ADAMTS16: variants seen among roughly 807,000 people sequenced by gnomAD.
The protein encoded by ADAMTS16 is A disintegrin and metalloproteinase with thrombospondin motifs 16.
Under a neutral mutation model 145.8 loss-of-function variants are expected in ADAMTS16, and 94 were observed. The ratio of observed to expected loss-of-function variants is 0.64; its 90% CI spans 0.55 to 0.77. The LOEUF (loss-of-function observed/expected upper bound fraction) is 0.77, where lower values mean the gene tolerates loss of function less well. Ranked by LOEUF, ADAMTS16 falls within the 30% of genes least tolerant of loss-of-function variation. The pLI is 0.00. For synonymous variants in ADAMTS16, 659 were observed against 604.3 expected, an observed-to-expected ratio of 1.09 and a Z score of -1.33; for missense variants, 1,585 against 1,591.5, an observed-to-expected ratio of 1.00 and a Z score of 0.07.
At chr5:5,244,158 T>C (rs2964429) in intron 17 of ADAMTS16, among the ~76,000 whole-genome samples, 132,106 of 152,212 alleles carry the variant, frequency 0.87, 57,675 homozygotes, top group African/African-American at 0.96. Context: ...AATCAAGGCA[T>C]GCTGTCACTG....
Position 5,239,712 on chromosome 5 carries a change from A to T in ADAMTS16, c.2310A>T (p.Gly770=). 1 of 1,614,114 alleles carries T rather than the reference A, an allele frequency of 6.2e-7. No homozygotes were observed. The highest frequency in any genetic ancestry group is 8.5e-7 in the Non-Finnish European group (1 of 1,180,026). The change falls in exon 16 of 23, where the codon GGA becomes GGT. Residue 770 remains glycine, a synonymous_variant. Coordinates refer to ENST00000274181, the MANE Select transcript of ADAMTS16 (RefSeq NM_139056.4). The part of the protein sequence containing the change: ...QYYHMVTIPS[G]ARSIRIYEMN... ...ATCACATGGTCACCATTCCTTCTGG[A>T]GCCCGGAGTATCCGCATCTATGAAA...
chr5:5,175,133 C>T (rs1168964057), intron 3 of ADAMTS16, among the ~76,000 whole-genome samples: 1 of 152,228 alleles, frequency 6.6e-6, no homozygotes, highest in African/African-American at 2.4e-5. Context: ...GCTAGCACAT[C>T]TCTGACTCTC....
At chr5:5,278,563 T>C (rs1389749042) in intron 18 of ADAMTS16, among the ~76,000 whole-genome samples, 1 of 152,240 alleles carries the variant, frequency 6.6e-6, no homozygotes, top group African/African-American at 2.4e-5. Context: ...TGCCTGACTT[T>C]TGTTTGCTTA....
chr5:5,165,318 A>G (rs1401557411), intron 3 of ADAMTS16, among the ~76,000 whole-genome samples: 1 of 152,100 alleles, frequency 6.6e-6, no homozygotes, highest in Non-Finnish European at 1.5e-5. Context: ...ATCGTATCCC[A>G]CTGTGTTTAT....
intron 22 of ADAMTS16, 133 bp downstream of exon 22, chr5:5,318,414 G>A: frequency 1.0e-6 from 1 of 965,570 alleles, no homozygotes; most frequent in South Asian, 4.1e-5. Flanking sequence ...ATCTTCTCCA[G>A]TTTTACAATG....
chr5:5,187,040 A>G (rs1735521351), intron 5 of ADAMTS16, among the ~76,000 whole-genome samples: 1 of 152,202 alleles, frequency 6.6e-6, no homozygotes, highest in Non-Finnish European at 1.5e-5. Flanking sequence ...CTGAGGAGGC[A>G]GTGAAATAGA....
At chr5:5,278,893 GA>G (rs1471521568) in intron 18 of ADAMTS16, among the ~76,000 whole-genome samples, 4 of 151,834 alleles carry the variant, frequency 2.6e-5, no homozygotes, top group East Asian at 3.9e-4. Context: ...AAAAAAGGGG[GA>G]AAAAACCAAT....
At position 5,262,675 on chromosome 5, in the gene ADAMTS16, A is replaced by G. The variant is rs555718727; in HGVS notation, c.2681A>G (p.Glu894Gly). ...SCGGGQMTVR[E>G]GCYRDLKFQV... ...CCTGCAGGACAGATGACCGTGAGAGAGGGCTGCTACAGAGACCTGAAGTTT... is the reference window on the plus strand; with the variant it reads ...CCTGCAGGACAGATGACCGTGAGAGGGGGCTGCTACAGAGACCTGAAGTTT... Residue 894 changes from glutamate to glycine, a missense_variant, in exon 18 of 23, where the codon GAG becomes GGG. Physicochemically the swap from Glu to Gly is moderately conservative, Grantham distance 98 (BLOSUM62 -2). This residue lies in a region of ADAMTS16 where 834 missense variants were observed against 811.7 expected (regional missense o/e 1.03). Transcript: ENST00000274181. 1.1e-5 allele frequency: 18 copies of G among 1,614,032 alleles called. No individual in the cohort carries two copies. The highest frequency in any genetic ancestry group is 1.4e-5 in the Non-Finnish European group (17 of 1,179,974).
At chr5:5,242,316 A>G (rs962377488) in intron 17 of ADAMTS16, 125 bp downstream of exon 17, 1 of 1,333,380 alleles carries the variant, frequency 7.5e-7, no homozygotes, top group South Asian at 1.5e-5. Context: ...TAGCAGTGAC[A>G]TTCCCAAGGT....
chr5:5,187,857 A>C (rs761818824), intron 6 of ADAMTS16, 49 bp downstream of exon 6: 4 of 1,218,442 alleles, frequency 3.3e-6, no homozygotes, highest in Non-Finnish European at 4.8e-6. Flanking sequence ...AGAAAAATAA[A>C]TGCAAAATAA....
At chr5:5,240,890 G>A (rs541905267) in intron 16 of ADAMTS16, among the ~76,000 whole-genome samples, 2 of 151,986 alleles carry the variant, frequency 1.3e-5, no homozygotes, top group East Asian at 1.9e-4. Flanking sequence ...CCTTGATCAC[G>A]TCTCCCACCA....
chr5:5,159,651 T>C (rs916008178), intron 3 of ADAMTS16, among the ~76,000 whole-genome samples: 5 of 152,324 alleles, frequency 3.3e-5, no homozygotes, highest in East Asian at 1.9e-4. Flanking sequence ...ACAGATGGGA[T>C]GGCAATAGGA....
intron 17 of ADAMTS16, among the ~76,000 whole-genome samples, chr5:5,250,934 G>A (rs4632765): frequency 0.03 from 4,571 of 151,982 alleles, 167 homozygotes; most frequent in East Asian, 0.15. Context: ...CAGAGTCCTC[G>A]GGGCAGTCAG....
intron 3 of ADAMTS16, among the ~76,000 whole-genome samples, chr5:5,168,944 A>G (rs1734973727): frequency 6.6e-6 from 1 of 151,124 alleles, no homozygotes; most frequent in Non-Finnish European, 1.5e-5. Flanking sequence ...ATTCCTCTCA[A>G]TAGTACTGTG....
chr5:5,231,125 C>T (rs1736909160), intron 11 of ADAMTS16, among the ~76,000 whole-genome samples: 1 of 152,204 alleles, frequency 6.6e-6, no homozygotes, highest in Non-Finnish European at 1.5e-5. Flanking sequence ...GAGCAGGAGC[C>T]TATTCCAGGC....
chr5:5,309,140 T>C (rs866320179), intron 21 of ADAMTS16, among the ~76,000 whole-genome samples: 26 of 152,180 alleles, frequency 1.7e-4, no homozygotes, highest in African/African-American at 4.8e-4. Flanking sequence ...CTACGGGAAT[T>C]GGATACCAAA....
Position 5,283,668 on chromosome 5 carries a change from C to G in ADAMTS16, c.2790-19600C>G, listed in dbSNP as rs139682363. ...AGGATGCTGAGTGTTGACTGATGCT[C>G]TGTGTCTTTATGTACATGACACTGT... On this transcript the variant is annotated intron_variant, in intron 18 of 22. Transcript: ENST00000274181. Among the ~76,000 whole-genome samples the G allele has an allele frequency of 3.6e-3, 547 of 152,344 alleles. 2 individuals carry two copies. Among genetic ancestry groups the G allele is most frequent in the African/African-American group, 0.012 (484 of 41,582 alleles).
chr5:5,305,871 G>C (rs374508117), intron 20 of ADAMTS16, among the ~76,000 whole-genome samples: 1 of 152,238 alleles, frequency 6.6e-6, no homozygotes, highest in Non-Finnish European at 1.5e-5. Context: ...AGTGTGCCTT[G>C]CTCCTGTGTG....
At chr5:5,203,165 C>T (rs922305313) in intron 9 of ADAMTS16, among the ~76,000 whole-genome samples, 10 of 152,130 alleles carry the variant, frequency 6.6e-5, no homozygotes, top group African/African-American at 1.4e-4. Context: ...TAAGGTTTTA[C>T]GTGCTTACAG....
Sources: allele counts gnomAD v4.1 joint callset (sites outside exome capture counted in the v4.1 genomes callset), GRCh38; gene constraint gnomAD v4.1.1; regional missense constraint gnomAD v4.1.1; transcripts MANE v1.5; gene names NCBI Gene and HGNC (gene_info 2026-07-23, HGNC 2026-07-21).